The following DLG2 variants were observed in gnomAD, a reference collection of about 807,000 sequenced individuals.
DLG2 encodes disks large homolog 2.
Under a neutral mutation model 132.5 loss-of-function variants are expected in DLG2, and 45 were observed. The ratio of observed to expected loss-of-function variants is 0.34; its 90% CI spans 0.27 to 0.44. The LOEUF (loss-of-function observed/expected upper bound fraction) is 0.44, where lower values mean the gene tolerates loss of function less well. Ranked by LOEUF, DLG2 falls within the 20% of genes least tolerant of loss-of-function variation. The pLI is 1.00. For missense variants in DLG2, 1,045 were observed against 1,196.9 expected, an observed-to-expected ratio of 0.87 and a Z score of 1.87; for synonymous variants, 424 against 419.6, an observed-to-expected ratio of 1.01 and a Z score of -0.13.
chr11:85,427,027 G>T (rs1436585939), intron 3 of DLG2, among the ~76,000 whole-genome samples: 1 of 152,206 alleles, frequency 6.6e-6, no homozygotes, highest in Non-Finnish European at 1.5e-5. Flanking sequence ...AAGCGTATCA[G>T]TGATGGAAGA....
chr11:83,677,950 T>C (rs1308146417), intron 18 of DLG2, among the ~76,000 whole-genome samples: 2 of 152,198 alleles, frequency 1.3e-5, no homozygotes, highest in Non-Finnish European at 2.9e-5. Flanking sequence ...GGGTTCCACT[T>C]GGATGCTTCA....
rs953692198 is a variant in DLG2, at chr11:83,870,690, C to CT, written c.1565+3729dup. 1.6e-4 allele frequency among the ~76,000 whole-genome samples: 24 copies of CT among 152,064 alleles called. 1 individual carries two copies. The highest frequency in any genetic ancestry group is 1.4e-3 in the Admixed American group (22 of 15,260). On this transcript the variant is annotated intron_variant, in intron 16 of 27. Coordinates refer to ENST00000376104, the MANE Select transcript of DLG2 (RefSeq NM_001142699.3). ...TTCAATTTTTTCTGAGAAGAAGCTT[C>CT]TTTTTTTTGGTATTCAGCGGTGTGC... is the stretch of plus-strand genomic sequence containing the variant.
chr11:84,147,282 G>A (rs908246698), intron 9 of DLG2, among the ~76,000 whole-genome samples: 5 of 152,138 alleles, frequency 3.3e-5, no homozygotes, highest in Admixed American at 6.6e-5. Context: ...CAAATCAACT[G>A]TGTGACCAGG....
At chr11:83,619,687 C>G (rs939172860) in intron 19 of DLG2, among the ~76,000 whole-genome samples, 4 of 151,956 alleles carry the variant, frequency 2.6e-5, no homozygotes, top group African/African-American at 9.7e-5. Flanking sequence ...ATGGAGGCCC[C>G]CATTTATGAG....
At chr11:85,264,777 G>C (rs910283395) in intron 4 of DLG2, among the ~76,000 whole-genome samples, 2 of 152,068 alleles carry the variant, frequency 1.3e-5, no homozygotes, top group Non-Finnish European at 2.9e-5. Flanking sequence ...GGGGTTTTTC[G>C]CAAGAAACAT....
intron 18 of DLG2, among the ~76,000 whole-genome samples, chr11:83,687,700 T>C (rs2080066516): frequency 6.6e-6 from 1 of 152,178 alleles, no homozygotes; most frequent in African/African-American, 2.4e-5. Context: ...TTCTGTGGCC[T>C]ATAGAAGTTT....
chr11:85,209,002 G>C lies in DLG2; in HGVS notation c.187-54351C>G, dbSNP rs145241932. Among the ~76,000 whole-genome samples the C allele has an allele frequency of 2.0e-3, 301 of 152,168 alleles. 3 individuals are homozygous for C. The highest frequency in any genetic ancestry group is 6.9e-3 in the African/African-American group (287 of 41,528). ...TGTAAGTCCTTTGCAAGTACACTGG[G>C]TTCATGCACTGATAATTGAGAGGTG... On this transcript the variant is annotated intron_variant, in intron 4 of 27. Coordinates refer to ENST00000376104, the MANE Select transcript of DLG2 (RefSeq NM_001142699.3).
At chr11:84,442,614 G>A (rs1427439430) in intron 7 of DLG2, among the ~76,000 whole-genome samples, 1 of 151,584 alleles carries the variant, frequency 6.6e-6, no homozygotes, top group Non-Finnish European at 1.5e-5. Context: ...AACCACCACG[G>A]CACATGTATA....
intron 16 of DLG2, among the ~76,000 whole-genome samples, chr11:83,847,744 C>T (rs916029782): frequency 1.1e-4 from 17 of 152,086 alleles, no homozygotes; most frequent in African/African-American, 4.1e-4. Flanking sequence ...TGGGGCGTTC[C>T]CATTTCTAAA....
chr11:85,399,708 T>C (rs1189089262), intron 3 of DLG2, among the ~76,000 whole-genome samples: 4 of 152,178 alleles, frequency 2.6e-5, no homozygotes, highest in Non-Finnish European at 5.9e-5. Flanking sequence ...TAAATGGTGC[T>C]GGGAAAACTG....
chr11:83,472,633 T>C (rs2888834), intron 23 of DLG2, 94 bp downstream of exon 23: 299,043 of 1,100,610 alleles, frequency 0.27, 41,937 homozygotes, highest in East Asian at 0.29. Flanking sequence ...TTAAGCCGAG[T>C]TTATTCTCCT....
chr11:84,035,110 G>A (rs981357033), intron 11 of DLG2, among the ~76,000 whole-genome samples: 4 of 152,000 alleles, frequency 2.6e-5, no homozygotes, highest in African/African-American at 9.7e-5. Context: ...GTCAGGTACT[G>A]TTCATTTTTT....
intron 2 of DLG2, among the ~76,000 whole-genome samples, chr11:85,621,304 G>A (rs866687463): frequency 2.0e-5 from 3 of 151,936 alleles, no homozygotes; most frequent in Non-Finnish European, 4.4e-5. Context: ...ACATATACAA[G>A]GAGATTAAAG....
intron 15 of DLG2, among the ~76,000 whole-genome samples, chr11:83,885,129 T>C (rs1461089764): frequency 1.3e-5 from 2 of 152,170 alleles, no homozygotes; most frequent in African/African-American, 4.8e-5. Context: ...GAAGAAGGCT[T>C]CAGAGCATCA....
chr11:83,858,671 T>C (rs1197312840), intron 16 of DLG2, among the ~76,000 whole-genome samples: 1 of 152,172 alleles, frequency 6.6e-6, no homozygotes, highest in South Asian at 2.1e-4. Flanking sequence ...CAGCTCTCCA[T>C]AGTGATGTGT....
chr11:84,869,092 T>C (rs1270768620), intron 6 of DLG2, among the ~76,000 whole-genome samples: 4 of 152,222 alleles, frequency 2.6e-5, no homozygotes, highest in Non-Finnish European at 4.4e-5. Context: ...ACTTGCCTAT[T>C]TGTTACAGCT....
chr11:84,503,166 C>T (rs973279974), intron 7 of DLG2, among the ~76,000 whole-genome samples: 1 of 152,180 alleles, frequency 6.6e-6, no homozygotes, highest in Non-Finnish European at 1.5e-5. Context: ...AATACAATTT[C>T]TTATGGAATA....
chr11:84,478,076 T>C (rs1362603861), intron 7 of DLG2, among the ~76,000 whole-genome samples: 2 of 152,130 alleles, frequency 1.3e-5, no homozygotes, highest in African/African-American at 2.4e-5. Context: ...CAAGAGCTCA[T>C]GCTCTTAGCC....
intron 15 of DLG2, among the ~76,000 whole-genome samples, chr11:83,875,922 C>A (rs1451555247): frequency 6.6e-6 from 1 of 152,118 alleles, no homozygotes; most frequent in African/African-American, 2.4e-5. Context: ...TAGCTGAAAC[C>A]TACAGAATCA....
Sources: allele counts gnomAD v4.1 joint callset (sites outside exome capture counted in the v4.1 genomes callset), GRCh38; gene constraint gnomAD v4.1.1; transcripts MANE v1.5; gene names NCBI Gene and HGNC (gene_info 2026-07-23, HGNC 2026-07-21).